Variants in PDE1A observed in about 807,000 individuals in gnomAD.
The protein encoded by PDE1A is phosphodiesterase 1A.
Under a neutral mutation model 61.7 loss-of-function variants are expected in PDE1A, and 35 were observed. The observed-to-expected ratio is 0.57, with a 90% CI of 0.43 to 0.75. PDE1A has a LOEUF of 0.75. PDE1A is among the 30% of genes least tolerant of loss of function. The pLI is 0.00. For synonymous variants in PDE1A, 232 were observed against 213.2 expected (o/e 1.09, Z -0.77); for missense variants, 597 against 630.6 (o/e 0.95, Z 0.57).
chr2:182,180,024 T>A (rs556739861), intron 13 of PDE1A, among the ~76,000 whole-genome samples: 1 of 152,296 alleles, frequency 6.6e-6, no homozygotes, highest in South Asian at 2.1e-4. Flanking sequence ...CTAAACATCA[T>A]ATGACCTGCT....
At chr2:182,377,913 T>G (rs1452706437) in intron 1 of PDE1A, among the ~76,000 whole-genome samples, 1 of 152,072 alleles carries the variant, frequency 6.6e-6, no homozygotes, top group Non-Finnish European at 1.5e-5. Context: ...TGGTGCGATC[T>G]TGGCTCACTG....
At chr2:182,317,939 T>C (rs1696452410) in intron 1 of PDE1A, among the ~76,000 whole-genome samples, 1 of 152,176 alleles carries the variant, frequency 6.6e-6, no homozygotes, top group African/African-American at 2.4e-5. Flanking sequence ...TCTTAATGCA[T>C]GGATATGATT....
At chr2:182,602,177 G>A in the PDE1A span, among the ~76,000 whole-genome samples, 3 of 152,244 alleles carry the variant, frequency 2.0e-5, no homozygotes, top group African/African-American at 7.2e-5. Flanking sequence ...AAGGCAGGGG[G>A]GCCTTCCCGG....
At chr2:182,579,822 T>A in the PDE1A span, among the ~76,000 whole-genome samples, 1 of 152,106 alleles carries the variant, frequency 6.6e-6, no homozygotes, top group African/African-American at 2.4e-5. Context: ...GACAAAAGAA[T>A]GATCATTATA....
chr2:182,182,625 G>A (rs753996784), intron 13 of PDE1A, among the ~76,000 whole-genome samples: 88 of 151,074 alleles, frequency 5.8e-4, no homozygotes, highest in African/African-American at 1.8e-3. Context: ...TGTCTTTCTC[G>A]GGCCAAAACC....
In PDE1A at chr2:182,160,958, A is replaced by T. The variant is rs575323436; in HGVS notation, c.1517-13806T>A. ...AAATAGTCTTTGGCGTGAACTGTTT[A>T]TAGAGATACACAAAATAAAGGCACT... On this transcript the variant is annotated intron_variant, in intron 13 of 13. Coordinates refer to the PDE1A transcript ENST00000409365. Among the ~76,000 whole-genome samples the T allele has an allele frequency of 2.6e-5, 4 of 152,302 alleles. No homozygotes were observed. The South Asian group carries it at 8.3e-4, about 32-fold the overall frequency.
intron 2 of PDE1A, among the ~76,000 whole-genome samples, chr2:182,515,436 C>T (rs1222236775): frequency 6.6e-6 from 1 of 152,098 alleles, no homozygotes; most frequent in Non-Finnish European, 1.5e-5. Context: ...TCCATGGACA[C>T]TCAGCTAAAA....
intron 1 of PDE1A, among the ~76,000 whole-genome samples, chr2:182,371,895 C>T (rs542371478): frequency 3.9e-5 from 6 of 152,284 alleles, no homozygotes; most frequent in African/African-American, 4.8e-5. Flanking sequence ...AGGGATCCTC[C>T]GACCTCAGCC....
the PDE1A span, among the ~76,000 whole-genome samples, chr2:182,668,417 G>A: frequency 1.3e-5 from 2 of 151,962 alleles, no homozygotes; most frequent in African/African-American, 2.4e-5. Flanking sequence ...CTTCACTTCA[G>A]TGGAGACTAG....
intron 1 of PDE1A, among the ~76,000 whole-genome samples, chr2:182,364,260 C>T (rs1474923920): frequency 6.6e-6 from 1 of 151,670 alleles, no homozygotes; most frequent in Non-Finnish European, 1.5e-5. Context: ...TAAGCAAGTG[C>T]TTTACAGGAT....
intron 1 of PDE1A, among the ~76,000 whole-genome samples, chr2:182,268,092 G>A (rs1476992924): frequency 6.6e-6 from 1 of 152,034 alleles, no homozygotes; most frequent in East Asian, 1.9e-4. Context: ...AAGCTGAGTA[G>A]AAAACAATGT....
chr2:182,219,846 G>A (rs1482990626), intron 7 of PDE1A, among the ~76,000 whole-genome samples: 3 of 152,006 alleles, frequency 2.0e-5, no homozygotes, highest in African/African-American at 7.3e-5. Flanking sequence ...ATATTAATTT[G>A]CTTCTGTATA....
chr2:182,261,071 CA>C (rs1692188095), intron 2 of PDE1A, among the ~76,000 whole-genome samples: 1 of 152,008 alleles, frequency 6.6e-6, no homozygotes, highest in South Asian at 2.1e-4. Context: ...GATTTTTTAG[CA>C]TATAGTGGGC....
the PDE1A span, among the ~76,000 whole-genome samples, chr2:182,547,187 A>G: frequency 6.6e-6 from 1 of 152,354 alleles, no homozygotes; most frequent in South Asian, 2.1e-4. Flanking sequence ...TTTGCAAAAT[A>G]CAAAAAGAGG....
the PDE1A span, among the ~76,000 whole-genome samples, chr2:182,581,926 T>C: frequency 6.6e-6 from 1 of 152,150 alleles, no homozygotes; most frequent in African/African-American, 2.4e-5. Flanking sequence ...AGAAATCCTA[T>C]GCGTTTTTAA....
intron 1 of PDE1A, among the ~76,000 whole-genome samples, chr2:182,277,307 T>C (rs1346669671): frequency 1.3e-5 from 2 of 152,120 alleles, no homozygotes; most frequent in African/African-American, 2.4e-5. Context: ...TTCCTCTCTT[T>C]GTACTCTTTC....
the PDE1A span, among the ~76,000 whole-genome samples, chr2:182,671,968 A>G: frequency 1.3e-5 from 2 of 151,980 alleles, no homozygotes; most frequent in African/African-American, 2.4e-5. Flanking sequence ...ACACCCCGCA[A>G]TACTCCCCTT....
At chr2:182,476,353 T>C (rs1687364047) in intron 2 of PDE1A, among the ~76,000 whole-genome samples, 1 of 151,776 alleles carries the variant, frequency 6.6e-6, no homozygotes, top group Non-Finnish European at 1.5e-5. Context: ...TAGCCAGGTG[T>C]GGTGGTACAT....
intron 1 of PDE1A, among the ~76,000 whole-genome samples, chr2:182,296,303 C>A (rs1470617250): frequency 1.3e-5 from 2 of 152,162 alleles, no homozygotes; most frequent in Non-Finnish European, 2.9e-5. Context: ...TACAACTCCC[C>A]CACTGTCATA....
Sources: allele counts gnomAD v4.1 joint callset (sites outside exome capture counted in the v4.1 genomes callset), GRCh38; gene constraint gnomAD v4.1.1; transcripts MANE v1.5; gene names NCBI Gene and HGNC (gene_info 2026-07-23, HGNC 2026-07-21).